NLGN1: variants seen among roughly 807,000 people sequenced by gnomAD.
NLGN1 encodes neuroligin-1.
In NLGN1, 12 loss-of-function variants were observed where a neutral mutation model predicts 65.5. The ratio of observed to expected loss-of-function variants is 0.18; its 90% CI spans 0.12 to 0.30. The LOEUF is 0.30. NLGN1 is among the 10% of genes least tolerant of loss of function. The pLI is 1.00. For missense variants in NLGN1, 750 were observed against 1,007.1 expected (o/e 0.74, Z 3.46); for synonymous variants, 350 against 359.5 (o/e 0.97, Z 0.30).
At chr3:173,962,161 T>C (rs1249317798) in intron 4 of NLGN1, among the ~76,000 whole-genome samples, 1 of 152,076 alleles carries the variant, frequency 6.6e-6, no homozygotes, top group Non-Finnish European at 1.5e-5. Flanking sequence ...GAAATATATA[T>C]ATTTTTAGTC....
At chr3:174,139,278 C>T (rs977660292) in intron 4 of NLGN1, among the ~76,000 whole-genome samples, 36 of 152,178 alleles carry the variant, frequency 2.4e-4, no homozygotes, top group African/African-American at 6.7e-4. Context: ...TTTCTACCTT[C>T]CTCCTAATCC....
chr3:173,499,598 A>G (rs1424304803), intron 2 of NLGN1, among the ~76,000 whole-genome samples: 1 of 151,854 alleles, frequency 6.6e-6, no homozygotes, highest in Non-Finnish European at 1.5e-5. Context: ...GAAGAAAGTC[A>G]TTGGTAGCTT....
intron 2 of NLGN1, among the ~76,000 whole-genome samples, chr3:173,539,552 A>G (rs1314752980): frequency 7.0e-6 from 1 of 142,504 alleles, no homozygotes; most frequent in East Asian, 2.0e-4. Context: ...TATAAAATAT[A>G]TACATAATAT....
intron 2 of NLGN1, among the ~76,000 whole-genome samples, chr3:173,592,446 C>CT (rs1437336516): frequency 2.0e-5 from 3 of 151,974 alleles, no homozygotes; most frequent in Non-Finnish European, 4.4e-5. Flanking sequence ...ATTGTATTTT[C>CT]TTTTTTGCCA....
In NLGN1 at chr3:174,145,469, C is replaced by G. The variant is rs193274703; in HGVS notation, c.647-129846C>G. Reference sequence around the variant, plus strand: ...CAGGGGTTCCGGTGAGCCAAGATGGCGCCACTGCACTCCAGCCTGGTGACA... The same window carrying G: ...CAGGGGTTCCGGTGAGCCAAGATGGGGCCACTGCACTCCAGCCTGGTGACA... On this transcript the variant is annotated intron_variant, in intron 4 of 6. Coordinates refer to ENST00000457714, the Ensembl canonical transcript of NLGN1. 2.6e-5 allele frequency among the ~76,000 whole-genome samples: 4 copies of G among 151,542 alleles called. No homozygotes were observed. The East Asian group carries it at 7.8e-4, about 30-fold the overall frequency.
intron 4 of NLGN1, among the ~76,000 whole-genome samples, chr3:173,842,912 C>T (rs1725050959): frequency 6.6e-6 from 1 of 152,184 alleles, no homozygotes; most frequent in African/African-American, 2.4e-5. Flanking sequence ...TCCAACCCCA[C>T]ATTTCCCTTC....
intron 3 of NLGN1, among the ~76,000 whole-genome samples, chr3:173,798,975 A>G (rs550339672): frequency 2.0e-5 from 3 of 152,032 alleles, no homozygotes; most frequent in Non-Finnish European, 4.4e-5. Flanking sequence ...TTATAAATAT[A>G]ATGAATAGTA....
chr3:173,863,879 C>T (rs2150822519), intron 4 of NLGN1, among the ~76,000 whole-genome samples: 1 of 152,252 alleles, frequency 6.6e-6, no homozygotes, highest in East Asian at 1.9e-4. Context: ...ATTGAGCTTT[C>T]ATATTGTATT....
intron 4 of NLGN1, among the ~76,000 whole-genome samples, chr3:174,182,414 G>C (rs1471026358): frequency 6.6e-6 from 1 of 152,110 alleles, no homozygotes; most frequent in African/African-American, 2.4e-5. Context: ...GAGAAGCAGA[G>C]CATACAAACT....
intron 4 of NLGN1, among the ~76,000 whole-genome samples, chr3:174,236,084 T>G (rs1741650534): frequency 6.6e-6 from 1 of 152,172 alleles, no homozygotes; most frequent in African/African-American, 2.4e-5. Context: ...CCTCAATAAA[T>G]ATCAATAAGT....
intron 3 of NLGN1, among the ~76,000 whole-genome samples, chr3:173,725,180 TAAAA>T (rs201161271): frequency 6.6e-6 from 1 of 151,336 alleles, no homozygotes; most frequent in Non-Finnish European, 1.5e-5. Flanking sequence ...AGTATAATAA[TAAAA>T]AAAGAAAAAA....
intron 2 of NLGN1, among the ~76,000 whole-genome samples, chr3:173,523,229 T>A (rs1369627470): frequency 4.0e-5 from 6 of 151,732 alleles, no homozygotes; most frequent in Non-Finnish European, 7.4e-5. Context: ...GTCGAATATT[T>A]ATTTTTCTGT....
intron 3 of NLGN1, among the ~76,000 whole-genome samples, chr3:173,693,798 G>A (rs1412368542): frequency 6.6e-6 from 1 of 151,990 alleles, no homozygotes; most frequent in African/African-American, 2.4e-5. Context: ...TAAGTTTTTT[G>A]TGTTATTTTG....
intron 5 of NLGN1, among the ~76,000 whole-genome samples, 165 bp downstream of exon 5, chr3:174,275,692 G>A (rs555564535): frequency 2.1e-4 from 32 of 151,882 alleles, no homozygotes; most frequent in African/African-American, 6.7e-4. Context: ...TTAAATTTTC[G>A]TCAAACTCTT....
At chr3:173,559,021 T>C (rs934052231) in intron 2 of NLGN1, among the ~76,000 whole-genome samples, 1 of 152,320 alleles carries the variant, frequency 6.6e-6, no homozygotes, top group East Asian at 1.9e-4. Flanking sequence ...ATTTAATTAA[T>C]TGAATTCATC....
rs114748963 is a variant in NLGN1 at position 173,797,118 on chromosome 3, C to T, written c.494-10562C>T. On this transcript the variant is annotated intron_variant, in intron 3 of 6. Transcript: ENST00000457714. ...CTTGAGATCATGTAGGGATCTGCTGCGGTAATCCAGAAGCATATGTTTACT... is the reference window on the plus strand; with the variant it reads ...CTTGAGATCATGTAGGGATCTGCTGTGGTAATCCAGAAGCATATGTTTACT... Among the ~76,000 whole-genome samples the T allele has an allele frequency of 9.5e-3, 1,452 of 152,072 alleles. 29 individuals are homozygous for T. Among genetic ancestry groups the T allele is most frequent in the African/African-American group, 0.033 (1,376 of 41,482 alleles).
At chr3:173,494,827 A>C (rs916017764) in intron 2 of NLGN1, among the ~76,000 whole-genome samples, 4 of 151,882 alleles carry the variant, frequency 2.6e-5, no homozygotes, top group African/African-American at 9.7e-5. Flanking sequence ...CAAATATCTA[A>C]TGAATAAATA....
chr3:173,982,178 C>T (rs1280453893), intron 4 of NLGN1, among the ~76,000 whole-genome samples: 3 of 152,058 alleles, frequency 2.0e-5, no homozygotes, highest in Non-Finnish European at 4.4e-5. Flanking sequence ...CAGCTTTATT[C>T]TAACCATTAA....
At chr3:173,849,157 C>A (rs949257417) in intron 4 of NLGN1, among the ~76,000 whole-genome samples, 5 of 152,110 alleles carry the variant, frequency 3.3e-5, no homozygotes, top group African/African-American at 9.6e-5. Context: ...GAAAAAAATT[C>A]TTTTGCGTAG....
Sources: gnomAD v4.1 joint callset for allele counts (sites outside exome capture counted in the v4.1 genomes callset) on GRCh38, gnomAD v4.1.1 for gene constraint, MANE v1.5 for transcripts, NCBI Gene and HGNC (gene_info 2026-07-23, HGNC 2026-07-21) for gene names.